The following TEAD3 variants were observed in gnomAD, a reference collection of about 807,000 sequenced individuals.
The protein encoded by TEAD3 is TEA domain transcription factor 3.
Under a neutral mutation model 55.6 loss-of-function variants are expected in TEAD3, and 15 were observed. The ratio of observed to expected loss-of-function variants is 0.27; its 90% CI spans 0.18 to 0.42. The LOEUF (loss-of-function observed/expected upper bound fraction) is 0.42, where lower values mean the gene tolerates loss of function less well. TEAD3 is among the 10% of genes least tolerant of loss of function. TEAD3 has a pLI of 1.00. For synonymous variants in TEAD3, 210 were observed against 232.2 expected (o/e 0.90, Z 0.87); for missense variants, 407 against 576.8 (o/e 0.71, Z 3.01).
At chr6:35,474,708 G>A (rs1314968897), downstream of TEAD3, 2 of 267,712 alleles carry the variant, frequency 7.5e-6, no homozygotes, top group Non-Finnish European at 1.4e-5. Flanking sequence ...AAGGGTGGGT[G>A]GGGGTACAGT....
Position 35,485,774 on chromosome 6 carries a change from GC to G in TEAD3, c.202+686del, listed in dbSNP as rs1029679252. The stretch of plus-strand genomic sequence containing the variant: ...GGACCTGATCCCTTCCCACAGGCGC[GC>G]CCTGGGAAGGGCTGGGCCTGCCTCG... On this transcript the variant is annotated intron_variant, in intron 2 of 12. Coordinates refer to ENST00000639578, the Ensembl canonical transcript of TEAD3. The surrounding 1 kb of genome is among the most constrained non-coding windows in gnomAD (Gnocchi z 4.3). Among the ~76,000 whole-genome samples, 83 of 152,130 alleles carry G rather than the reference GC, an allele frequency of 5.5e-4. 1 individual carries two copies. Among genetic ancestry groups the G allele is most frequent in the Non-Finnish European group, 4.6e-4 (31 of 68,014 alleles).
intron 3 of TEAD3, among the ~76,000 whole-genome samples, chr6:35,481,350 C>T (rs950165417): frequency 1.3e-5 from 2 of 152,146 alleles, no homozygotes; most frequent in Admixed American, 6.5e-5. Flanking sequence ...CGCCGCTTCA[C>T]GCTTTCAGCA....
intron 9 of TEAD3, 81 bp downstream of exon 9, chr6:35,476,221 A>T: frequency 2.6e-6 from 4 of 1,562,870 alleles, no homozygotes; most frequent in Non-Finnish European, 3.5e-6. Context: ...CAACCCCCAG[A>T]TCCTGAGTTG....
intron 3 of TEAD3, among the ~76,000 whole-genome samples, chr6:35,482,863 C>G (rs1475699689): frequency 6.6e-6 from 1 of 152,202 alleles, no homozygotes; most frequent in Non-Finnish European, 1.5e-5. Context: ...AGAGAAGGAC[C>G]CGCTGAGAGT....
intron 1 of TEAD3, among the ~76,000 whole-genome samples, chr6:35,487,961 C>T (rs932888875): frequency 6.6e-6 from 1 of 152,168 alleles, no homozygotes; most frequent in Non-Finnish European, 1.5e-5. Flanking sequence ...CAGTCAGGGA[C>T]CTCCACCCCT....
chr6:35,494,813 T>A (rs531566753), intron 1 of TEAD3, among the ~76,000 whole-genome samples: 13 of 152,056 alleles, frequency 8.5e-5, no homozygotes, highest in Middle Eastern at 3.4e-3. Context: ...ACAGAACCCA[T>A]GACCACTTCA....
At chr6:35,473,787 T>C (rs1312821345), downstream of TEAD3, 1 of 152,096 alleles carries the variant, frequency 6.6e-6, no homozygotes, top group Non-Finnish European at 1.5e-5. Flanking sequence ...GGTTTGGAGG[T>C]GGCCTGAGCG....
In TEAD3 at chr6:35,486,344, G is replaced by A. The variant is rs995041023; in HGVS notation, c.202+117C>T. 444 of 1,219,142 alleles carry A rather than the reference G, an allele frequency of 3.6e-4. No homozygotes were observed. Among genetic ancestry groups the A allele is most frequent in the Non-Finnish European group, 4.7e-4 (416 of 882,910 alleles). 75.5% of individuals were successfully genotyped at this position (1,219,142 alleles called of 1,614,324 possible). A position where few individuals can be genotyped will look rare whatever the true frequency, so the allele number is the denominator to read the frequency against. The stretch of plus-strand genomic sequence containing the variant: ...GGAGGATCCAGACACACAGGCTTGC[G>A]CGCCCAGACTCGCCCGGCCAGCGGC... On this transcript the variant is annotated intron_variant, in intron 2 of 12. Transcript: ENST00000639578. The surrounding 1 kb of genome is among the most constrained non-coding windows in gnomAD (Gnocchi z 7.3).
At chr6:35,481,290 C>G (rs1768260953) in intron 3 of TEAD3, among the ~76,000 whole-genome samples, 1 of 152,122 alleles carries the variant, frequency 6.6e-6, no homozygotes, top group Non-Finnish European at 1.5e-5. Flanking sequence ...CCCAGAGGCA[C>G]AGAGAACCCA....
At chr6:35,493,466 A>T (rs1768576189) in intron 1 of TEAD3, among the ~76,000 whole-genome samples, 1 of 152,124 alleles carries the variant, frequency 6.6e-6, no homozygotes, top group African/African-American at 2.4e-5. Context: ...CAGCGCCAGC[A>T]TCAGTCACGC....
chr6:35,475,183 C>G lies in TEAD3; in HGVS notation c.1195-26G>C. ...CTGGGGGGTGAGCAGGTAAGAGATT[C>G]AGGAGGTCAGGGAGAAAAGGGCCAC... On this transcript the variant is annotated intron_variant, in intron 12 of 12. Coordinates refer to ENST00000639578, the Ensembl canonical transcript of TEAD3. The surrounding 1 kb of genome is among the most constrained non-coding windows in gnomAD (Gnocchi z 5.4). 3 of 1,569,002 alleles carry G rather than the reference C, an allele frequency of 1.9e-6. No homozygotes were observed. The highest frequency in any genetic ancestry group is 2.6e-6 in the Non-Finnish European group (3 of 1,156,378).
chr6:35,477,248 A>G lies in TEAD3; in HGVS notation c.592+63T>C, dbSNP rs995696381. The G allele has an allele frequency of 2.3e-5, 36 of 1,567,608 alleles. No homozygotes were observed. The African/African-American group carries it at 3.8e-4, about 16-fold the overall frequency. On this transcript the variant is annotated intron_variant, in intron 8 of 12. Coordinates refer to ENST00000639578, the Ensembl canonical transcript of TEAD3. ...TCCCAAAGCAAACACACACAGTTGG[A>G]CCCCAGCTCTCCTGAGTGGAGGTGC...
exon 10 of TEAD3, chr6:35,476,025 G>A: frequency 1.9e-6 from 3 of 1,559,084 alleles, no homozygotes; most frequent in South Asian, 1.2e-5. Context: ...CACATCTACT[G>A]CCTCCAGGGG....
chr6:35,478,376 TA>T, intron 6 of TEAD3, 52 bp from the exon 7 acceptor site: 1 of 1,613,606 alleles, frequency 6.2e-7, no homozygotes, highest in Non-Finnish European at 8.5e-7. Context: ...TGAACCCCAC[TA>T]AAGCTCATCC....
chr6:35,475,417 C>T lies in TEAD3; in HGVS notation c.1113G>A (p.Met371Ile), dbSNP rs368596644. 1.9e-6 allele frequency: 3 copies of T among 1,614,056 alleles called. No homozygotes were observed. The highest frequency in any genetic ancestry group is 2.5e-6 in the Non-Finnish European group (3 of 1,179,972). The stretch of plus-strand genomic sequence containing the variant: ...GCTTCAGCTTGTGGATGAAGTTGAT[C>T]ATGTACTCGCACATGGGCGAGCGGT... The change falls in exon 12 of 13, where the codon ATG becomes ATA. Residue 371 changes from methionine to isoleucine, a missense_variant. By Grantham distance (10) the Met-to-Ile change is conservative. Transcript: ENST00000639578. This position sits in a 1 kb window ranked among gnomAD's most constrained non-coding sequence, Gnocchi z 5.4.
chr6:35,493,628 C>T (rs562016815), intron 1 of TEAD3, among the ~76,000 whole-genome samples: 3 of 152,324 alleles, frequency 2.0e-5, no homozygotes, highest in African/African-American at 4.8e-5. Flanking sequence ...TTGTTTTACT[C>T]GCATGTAGTG....
At chr6:35,476,422 C>A in exon 9 of TEAD3, 1 of 1,612,990 alleles carries the variant, frequency 6.2e-7, no homozygotes, top group Non-Finnish European at 8.5e-7. Context: ...GGAGCGGGGC[C>A]AGGGGCTCAT....
At chr6:35,482,462 T>G (rs149233393) in intron 3 of TEAD3, among the ~76,000 whole-genome samples, 43 of 152,242 alleles carry the variant, frequency 2.8e-4, no homozygotes, top group African/African-American at 1.0e-3. Flanking sequence ...AGACAGTGGT[T>G]TCTAAAATTC....
In TEAD3 at chr6:35,490,190, C is replaced by A. The variant is rs1383540674; in HGVS notation, c.-49-3479G>T. ...CGCCTCCCCTCAAGCAGGCTGTGGC[C>A]CCCCCTTCTTAGGGTGATGTCAGCC... is the stretch of plus-strand genomic sequence containing the variant. On this transcript the variant is annotated intron_variant, in intron 1 of 12. Transcript: ENST00000639578. Among the ~76,000 whole-genome samples the A allele has an allele frequency of 4.6e-5, 7 of 152,286 alleles. No individual in the cohort carries two copies. In the South Asian group the frequency reaches 1.2e-3, roughly 27 times the overall value.
Sources: gnomAD v4.1 joint callset for allele counts (sites outside exome capture counted in the v4.1 genomes callset) on GRCh38, gnomAD v4.1.1 for gene constraint, Gnocchi (gnomAD v3.1) non-coding constraint, MANE v1.5 for transcripts, NCBI Gene and HGNC (gene_info 2026-07-23, HGNC 2026-07-21) for gene names.